The following ZCCHC14 variants were observed in gnomAD, a reference collection of about 807,000 sequenced individuals.
ZCCHC14 encodes the protein zinc finger CCHC-type containing 14.
In ZCCHC14, 16 loss-of-function variants were observed where a neutral mutation model predicts 85.0. The observed-to-expected ratio is 0.19, with a 90% CI of 0.13 to 0.29. The LOEUF is 0.29. Ranked by LOEUF, ZCCHC14 falls within the 10% of genes least tolerant of loss-of-function variation. ZCCHC14 has a pLI of 1.00. For synonymous variants in ZCCHC14, 775 were observed against 630.7 expected (o/e 1.23, Z -3.43); for missense variants, 1,303 against 1,443.5 (o/e 0.90, Z 1.58).
At chr16:87,475,997 G>C (rs1911988253) in intron 1 of ZCCHC14, among the ~76,000 whole-genome samples, 1 of 152,216 alleles carries the variant, frequency 6.6e-6, no homozygotes, top group South Asian at 2.1e-4. Flanking sequence ...GCCAGCTGGA[G>C]AAAAACAACT....
chr16:87,417,856 C>T, intron 7 of ZCCHC14, 114 bp from the exon 8 acceptor site: 3 of 1,320,850 alleles, frequency 2.3e-6, no homozygotes, highest in Non-Finnish European at 3.0e-6. Flanking sequence ...CTTGGCCGGC[C>T]CTGTTGTCAC....
At chr16:87,469,716 G>A (rs562141594) in intron 1 of ZCCHC14, among the ~76,000 whole-genome samples, 31 of 152,272 alleles carry the variant, frequency 2.0e-4, no homozygotes, top group East Asian at 1.9e-3. Flanking sequence ...ACAGAGACTC[G>A]GAGCTCTGGG....
At chr16:87,443,007 A>G (rs1910259779) in intron 2 of ZCCHC14, among the ~76,000 whole-genome samples, 3 of 152,242 alleles carry the variant, frequency 2.0e-5, no homozygotes. Flanking sequence ...CAGAAGGAAA[A>G]TGAACGGGAA....
In ZCCHC14 at chr16:87,478,632, G is replaced by A. The variant is rs56687980; in HGVS notation, c.570+13037C>T. Among the ~76,000 whole-genome samples, 310 of 149,042 alleles carry A rather than the reference G, an allele frequency of 2.1e-3. 8 individuals carry two copies. In the East Asian group the frequency reaches 0.055, roughly 27 times the overall value. On this transcript the variant is annotated intron_variant, in intron 1 of 12. Transcript: ENST00000671377. ...TACTAATTTTTTTTTTTTTTGAGAC[G>A]GAGTCTCACTGTTGCCCAGGCTGGA...
chr16:87,476,618 G>T (rs1246036359), intron 1 of ZCCHC14, among the ~76,000 whole-genome samples: 3 of 152,012 alleles, frequency 2.0e-5, no homozygotes, highest in Admixed American at 2.0e-4. Flanking sequence ...AACAAAGGAA[G>T]CCAACAGATA....
intron 2 of ZCCHC14, among the ~76,000 whole-genome samples, chr16:87,457,728 C>T (rs1395989553): frequency 6.6e-6 from 1 of 151,916 alleles, no homozygotes; most frequent in Admixed American, 6.7e-5. Flanking sequence ...AGTAATAAAA[C>T]TATACAACTT....
In ZCCHC14 at chr16:87,409,690, A is replaced by G. The variant is rs889149766; in HGVS notation, c.*590T>C. Reference sequence around the variant, plus strand: ...GCCTCTGCTGGTGCTGACTCTTTCAATATGGATTATTGGAGTCTCTTGCAC... The same window carrying G: ...GCCTCTGCTGGTGCTGACTCTTTCAGTATGGATTATTGGAGTCTCTTGCAC... On this transcript the variant is annotated 3_prime_UTR_variant, in exon 13 of 13. Transcript: ENST00000671377. 1 of 152,658 alleles carries G rather than the reference A, an allele frequency of 6.6e-6. No homozygotes were observed. The highest frequency in any genetic ancestry group is 6.5e-5 in the Admixed American group (1 of 15,276). 9.5% of individuals were successfully genotyped at this position (152,658 alleles called of 1,614,324 possible).
intron 3 of ZCCHC14, among the ~76,000 whole-genome samples, chr16:87,427,064 G>A (rs574166242): frequency 1.3e-5 from 2 of 152,386 alleles, no homozygotes; most frequent in African/African-American, 2.4e-5. Flanking sequence ...GGGGGAAGGA[G>A]CAGCTTTCTA....
Position 87,411,697 on chromosome 16 carries a change from G to A in ZCCHC14, c.3024C>T (p.Ala1008=), listed in dbSNP as rs756483934. 1.2e-5 allele frequency: 19 copies of A among 1,613,950 alleles called. No homozygotes were observed. Among genetic ancestry groups the A allele is most frequent in the Admixed American group, 1.2e-4 (7 of 60,012 alleles). The part of the protein sequence containing the change: ...DPVLSGQSTF[A]VPPMQNFMAG... ...CCATGAAGTTCTGCATGGGTGGCAC[G>A]GCAAACGTGGACTGCCCACTCAGGA... Residue 1008 remains alanine, a synonymous_variant, in exon 12 of 13, where the codon GCC becomes GCT. Coordinates refer to ENST00000671377, the MANE Select transcript of ZCCHC14 (RefSeq NM_015144.3).
rs1003119288 is a variant in ZCCHC14, at chr16:87,409,965, C to T, written c.*315G>A. 4.4e-6 allele frequency: 1 copy of T among 229,550 alleles called. No homozygotes were observed. The highest frequency in any genetic ancestry group is 2.3e-5 in the African/African-American group (1 of 44,070). 14.2% of individuals were successfully genotyped at this position (229,550 alleles called of 1,614,324 possible). ...GCTGCCCTGGAATTGACGTGTGAGCCTAGGAGGGCCAGTGATGGCAATGCT... is the reference window on the plus strand; with the variant it reads ...GCTGCCCTGGAATTGACGTGTGAGCTTAGGAGGGCCAGTGATGGCAATGCT... On this transcript the variant is annotated 3_prime_UTR_variant, in exon 13 of 13. Transcript: ENST00000671377.
At position 87,412,441 on chromosome 16, in the gene ZCCHC14, C is replaced by T. The variant is rs556842855; in HGVS notation, c.2280G>A (p.Thr760=). The change falls in exon 12 of 13, where the codon ACG becomes ACA. Residue 760 remains threonine (T), a synonymous_variant. Transcript: ENST00000671377. ...CGTGGAGGACTGTGCTGGGCGTCCCCGTGGCGGCCGTGCTGGTCTCCACGA... is the reference window on the plus strand; with the variant it reads ...CGTGGAGGACTGTGCTGGGCGTCCCTGTGGCGGCCGTGCTGGTCTCCACGA... ...ALVVETSTAA[T]GTPSTVLHAA... The T allele has an allele frequency of 3.4e-5, 55 of 1,613,912 alleles. No homozygotes were observed. In the African/African-American group the frequency reaches 3.7e-4, roughly 11 times the overall value.
In ZCCHC14 at chr16:87,407,027, AAG is replaced by A. The variant is rs1362687206; in HGVS notation, c.*3251_*3252del. ...ATAAAATAAAACACTGGGAAGCAGG[AAG>A]AGTGACAAGAAAATGACAGGGAGCA... On this transcript the variant is annotated 3_prime_UTR_variant, in exon 13 of 13. Transcript: ENST00000671377. 6.6e-6 allele frequency: 1 copy of A among 152,276 alleles called. No homozygotes were observed. The highest frequency in any genetic ancestry group is 1.5e-5 in the Non-Finnish European group (1 of 68,090). 9.4% of individuals were successfully genotyped at this position (152,276 alleles called of 1,614,324 possible).
intron 1 of ZCCHC14, among the ~76,000 whole-genome samples, chr16:87,479,795 A>C (rs1320478883): frequency 3.9e-5 from 6 of 152,190 alleles, no homozygotes; most frequent in Admixed American, 3.9e-4. Context: ...CCAAAGCATC[A>C]TGATGCCACG....
At position 87,491,101 on chromosome 16, in the gene ZCCHC14, C is replaced by A. The variant is rs531645284; in HGVS notation, c.570+568G>T. ...CGCCGCAATGTGTGTTATCTGTCAC[C>A]CAAGGGCCCCATTAAGGGGACAAAG... On this transcript the variant is annotated intron_variant, in intron 1 of 12. Coordinates refer to ENST00000671377, the MANE Select transcript of ZCCHC14 (RefSeq NM_015144.3). The surrounding 1 kb of genome is among the most constrained non-coding windows in gnomAD (Gnocchi z 5.9). 5.3e-5 allele frequency among the ~76,000 whole-genome samples: 8 copies of A among 152,360 alleles called. No homozygotes were observed. The South Asian group carries it at 1.7e-3, about 32-fold the overall frequency.
intron 2 of ZCCHC14, among the ~76,000 whole-genome samples, chr16:87,433,955 G>A (rs956650941): frequency 3.3e-5 from 5 of 152,148 alleles, no homozygotes; most frequent in Non-Finnish European, 7.4e-5. Context: ...TTCTTTTCAG[G>A]AGAATTCATT....
At position 87,417,780 on chromosome 16, in the gene ZCCHC14, G is replaced by T. The variant is rs760171556; in HGVS notation, c.1101-38C>A. On this transcript the variant is annotated intron_variant, in intron 7 of 12. Transcript: ENST00000671377. ...GGCAGGAGGGACACAGAGAGACTGT[G>T]GCTTCCACAACCACAGACTCCACCA... 5 of 1,527,012 alleles carry T rather than the reference G, an allele frequency of 3.3e-6. No individual in the cohort carries two copies. In the South Asian group the frequency reaches 5.0e-5, roughly 15 times the overall value. 94.6% of individuals were successfully genotyped at this position (1,527,012 alleles called of 1,614,324 possible).
chr16:87,483,415 C>T (rs1440212390), intron 1 of ZCCHC14, among the ~76,000 whole-genome samples: 2 of 150,432 alleles, frequency 1.3e-5, no homozygotes, highest in African/African-American at 2.5e-5. Flanking sequence ...TGCTTGAACC[C>T]GGGAGGCAAA....
chr16:87,411,601 G>A lies in ZCCHC14; in HGVS notation c.3120C>T (p.Ser1040=), dbSNP rs373748947. Residue 1040 remains serine, a synonymous_variant, in exon 12 of 13, where the codon AGC becomes AGT. Transcript: ENST00000671377. ...CGCAGTTGTAACAAGATAGGTTCCC[G>A]CTCTTTTTGTGACTGGAACCATTGC... ...GSSNGSSHKK[S]GNLSCYNCGA... 2.3e-5 allele frequency: 37 copies of A among 1,613,892 alleles called. No homozygotes were observed. The highest frequency in any genetic ancestry group is 3.3e-4 in the Middle Eastern group (2 of 6,062).
In ZCCHC14 at chr16:87,418,752, A is replaced by G. The variant is rs1250799504; in HGVS notation, c.1100+95T>C. 14 of 1,248,680 alleles carry G rather than the reference A, an allele frequency of 1.1e-5. No homozygotes were observed. In the Admixed American group the frequency reaches 1.1e-4, roughly 10 times the overall value. The allele number at this position is 1,248,680 out of a possible 1,614,324, so 77.4% of individuals were successfully genotyped here. On this transcript the variant is annotated intron_variant, in intron 7 of 12. Coordinates refer to ENST00000671377, the MANE Select transcript of ZCCHC14 (RefSeq NM_015144.3). ...ATATCATCCAAGACTCAACTTGAGC[A>G]TGACTTAATTCTTGGAACAACTTTA...
Sources: allele counts gnomAD v4.1 joint callset (sites outside exome capture counted in the v4.1 genomes callset), GRCh38; gene constraint gnomAD v4.1.1; non-coding constraint Gnocchi (gnomAD v3.1); transcripts MANE v1.5; gene names NCBI Gene and HGNC (gene_info 2026-07-23, HGNC 2026-07-21).